TMEM150C: variants seen among roughly 807,000 people sequenced by gnomAD.
The protein encoded by TMEM150C is tentonin 3.
Under a neutral mutation model 29.9 loss-of-function variants are expected in TMEM150C, and 10 were observed. The ratio of observed to expected loss-of-function variants is 0.33; its 90% CI spans 0.21 to 0.57. The LOEUF is 0.57. TMEM150C is among the 20% of genes least tolerant of loss of function. The probability of loss-of-function intolerance (pLI) is 0.88; values close to 1 mark genes in which losing one functional copy is unlikely to be tolerated. For synonymous variants in TMEM150C, 101 were observed against 112.5 expected (o/e 0.90, Z 0.64); for missense variants, 251 against 303.6 (o/e 0.83, Z 1.29).
intron 1 of TMEM150C, among the ~76,000 whole-genome samples, chr4:82,547,150 C>T (rs1022060748): frequency 3.3e-5 from 5 of 151,826 alleles, no homozygotes; most frequent in African/African-American, 7.3e-5. Context: ...AAACTATGCA[C>T]GTAACTAAGG....
At chr4:82,555,312 A>T (rs1725703965) in intron 1 of TMEM150C, among the ~76,000 whole-genome samples, 1 of 152,228 alleles carries the variant, frequency 6.6e-6, no homozygotes, top group South Asian at 2.1e-4. Context: ...TATAAGACAG[A>T]CATATCCACT....
At chr4:82,518,812 G>A (rs562862800) in intron 1 of TMEM150C, among the ~76,000 whole-genome samples, 21 of 152,174 alleles carry the variant, frequency 1.4e-4, no homozygotes, top group Middle Eastern at 3.4e-3. Context: ...GCAGCTCTAC[G>A]GTACTTGGTA....
chr4:82,506,460 T>C (rs972408688), intron 1 of TMEM150C, among the ~76,000 whole-genome samples: 1 of 151,946 alleles, frequency 6.6e-6, no homozygotes, highest in African/African-American at 2.4e-5. Flanking sequence ...CAGAATAGAG[T>C]TGAAAGATAT....
intron 1 of TMEM150C, among the ~76,000 whole-genome samples, chr4:82,520,901 A>G (rs985134837): frequency 6.6e-6 from 1 of 152,146 alleles, no homozygotes; most frequent in African/African-American, 2.4e-5. Flanking sequence ...AAACACACAC[A>G]AAAACTGGCT....
chr4:82,555,504 G>C (rs1262722091), intron 1 of TMEM150C, among the ~76,000 whole-genome samples: 1 of 152,206 alleles, frequency 6.6e-6, no homozygotes, highest in Non-Finnish European at 1.5e-5. Context: ...GCTGGCAGCA[G>C]TGAGGTCTCT....
At chr4:82,524,199 C>T (rs962001185) in intron 1 of TMEM150C, among the ~76,000 whole-genome samples, 2 of 151,324 alleles carry the variant, frequency 1.3e-5, no homozygotes, top group South Asian at 2.1e-4. Flanking sequence ...ACCCGGGGGG[C>T]GGAGCTTGCA....
At chr4:82,526,501 A>T (rs1160576150) in intron 1 of TMEM150C, among the ~76,000 whole-genome samples, 1 of 152,172 alleles carries the variant, frequency 6.6e-6, no homozygotes, top group Admixed American at 6.5e-5. Context: ...CCTGTGCCTA[A>T]CATTCTGCCT....
chr4:82,554,761 C>T (rs1725688808), intron 1 of TMEM150C, among the ~76,000 whole-genome samples: 1 of 152,136 alleles, frequency 6.6e-6, no homozygotes. Context: ...CCTATACCGC[C>T]ATAGTTAAGC....
chr4:82,533,379 A>C (rs986896217), intron 1 of TMEM150C, among the ~76,000 whole-genome samples: 1 of 152,236 alleles, frequency 6.6e-6, no homozygotes, highest in African/African-American at 2.4e-5. Context: ...AGCTACTCAA[A>C]CTTTTTTATA....
At position 82,513,148 on chromosome 4, in the gene TMEM150C, C is replaced by A. The variant is rs368723086; in HGVS notation, c.-10-8481G>T. Among the ~76,000 whole-genome samples, 39 of 152,340 alleles carry A rather than the reference C, an allele frequency of 2.6e-4. No individual in the cohort carries two copies. In the South Asian group the frequency reaches 7.9e-3, roughly 31 times the overall value. Reference sequence around the variant, plus strand: ...ACCCCCGTGCCTCCTGATGGGAAGACACTTCCCAGCAGGGGTCGAGAGACA... The same window carrying A: ...ACCCCCGTGCCTCCTGATGGGAAGAAACTTCCCAGCAGGGGTCGAGAGACA... On this transcript the variant is annotated intron_variant, in intron 1 of 7. Coordinates refer to ENST00000449862, the MANE Select transcript of TMEM150C (RefSeq NM_001080506.3).
At chr4:82,492,864 G>GTATATATA (rs58169287) in intron 6 of TMEM150C, among the ~76,000 whole-genome samples, 3,416 of 89,910 alleles carry the variant, frequency 0.038, 96 homozygotes, top group African/African-American at 0.047. Context: ...ATATGTTTGT[G>GTATATATA]TATATATATA....
chr4:82,537,791 A>T (rs1434998348), intron 1 of TMEM150C, among the ~76,000 whole-genome samples: 1 of 152,186 alleles, frequency 6.6e-6, no homozygotes, highest in East Asian at 1.9e-4. Context: ...GATTGGAATA[A>T]TGCTGCCAGA....
intron 1 of TMEM150C, among the ~76,000 whole-genome samples, chr4:82,557,739 T>TC (rs972398157): frequency 2.7e-5 from 4 of 149,838 alleles, no homozygotes; most frequent in African/African-American, 9.8e-5. Flanking sequence ...TTTTTCTTTT[T>TC]TTTTTTTTTT....
At chr4:82,495,398 G>A (rs928229373) in intron 6 of TMEM150C, 2 of 265,726 alleles carry the variant, frequency 7.5e-6, no homozygotes, top group Non-Finnish European at 1.4e-5. Flanking sequence ...CTGAGATCTC[G>A]CCACTGCGCT....
At chr4:82,545,840 G>C (rs1725365381) in intron 1 of TMEM150C, among the ~76,000 whole-genome samples, 1 of 152,118 alleles carries the variant, frequency 6.6e-6, no homozygotes, top group South Asian at 2.1e-4. Flanking sequence ...CATGAGAATT[G>C]CTGGAACCCA....
rs554120929 is a variant in TMEM150C, at chr4:82,494,956, T to C, written c.363+1112A>G. ...TCCTTCATTCTCTTGGCCGAAAGTT[T>C]AGCATATTCTGCAGCCTCTTCCCTG... is the stretch of plus-strand genomic sequence containing the variant. On this transcript the variant is annotated intron_variant, in intron 6 of 7. Transcript: ENST00000449862. The C allele has an allele frequency of 3.7e-4, 229 of 616,394 alleles. 2 individuals are homozygous for C. Among genetic ancestry groups the C allele is most frequent in the African/African-American group, 3.6e-3 (190 of 52,746 alleles). The allele number at this position is 616,394 out of a possible 1,614,324, so 38.2% of individuals were successfully genotyped here.
At chr4:82,527,603 C>G (rs917792834) in intron 1 of TMEM150C, among the ~76,000 whole-genome samples, 3 of 152,138 alleles carry the variant, frequency 2.0e-5, no homozygotes, top group African/African-American at 7.2e-5. Flanking sequence ...TCTAGTTGAG[C>G]TTGTGGTAGG....
chr4:82,519,428 T>TA (rs1724405084), intron 1 of TMEM150C, among the ~76,000 whole-genome samples: 1 of 152,014 alleles, frequency 6.6e-6, no homozygotes, highest in African/African-American at 2.4e-5. Context: ...CTTTCTTTCT[T>TA]TCTTTCTTTT....
chr4:82,492,898 A>ATATATATATATG (rs1367287202), intron 6 of TMEM150C, among the ~76,000 whole-genome samples: 7 of 136,102 alleles, frequency 5.1e-5, no homozygotes, highest in African/African-American at 2.0e-4. Flanking sequence ...ATATATATAT[A>ATATATATATATG]TGTATTTGAG....
Sources: gnomAD v4.1 joint callset for allele counts (sites outside exome capture counted in the v4.1 genomes callset) on GRCh38, gnomAD v4.1.1 for gene constraint, MANE v1.5 for transcripts, NCBI Gene and HGNC (gene_info 2026-07-23, HGNC 2026-07-21) for gene names.